Variants in PIP4K2A observed in about 807,000 individuals in gnomAD.
PIP4K2A encodes the protein phosphatidylinositol 5-phosphate 4-kinase type-2 alpha.
A neutral mutation model predicts 42.9 loss-of-function variants in PIP4K2A; 14 were observed. That is an observed-to-expected ratio of 0.33 (90% CI 0.22 to 0.51). The LOEUF (loss-of-function observed/expected upper bound fraction) is 0.51. PIP4K2A is among the 20% of genes least tolerant of loss of function. PIP4K2A has a pLI of 0.97. For synonymous variants in PIP4K2A, 192 were observed against 192.2 expected, an observed-to-expected ratio of 1.00 and a Z score of 0.01; for missense variants, 434 against 519.8, an observed-to-expected ratio of 0.83 and a Z score of 1.61.
intron 1 of PIP4K2A, among the ~76,000 whole-genome samples, chr10:22,626,528 T>C (rs374247130): frequency 5.3e-5 from 8 of 152,370 alleles, no homozygotes; most frequent in African/African-American, 1.9e-4. Context: ...CTTTTGTGCC[T>C]GAAAATGTTT....
At chr10:22,584,180 T>C (rs1837339974) in intron 4 of PIP4K2A, among the ~76,000 whole-genome samples, 1 of 152,112 alleles carries the variant, frequency 6.6e-6, no homozygotes, top group African/African-American at 2.4e-5. Flanking sequence ...AAGTTTTGAA[T>C]AGTTACGTAC....
At chr10:22,580,373 G>T (rs1393072543) in intron 4 of PIP4K2A, among the ~76,000 whole-genome samples, 2 of 151,962 alleles carry the variant, frequency 1.3e-5, no homozygotes, top group Non-Finnish European at 2.9e-5. Context: ...GAAGAGGCTG[G>T]GCATAGTGGC....
At chr10:22,577,966 G>A (rs1233450006) in intron 4 of PIP4K2A, among the ~76,000 whole-genome samples, 5 of 152,200 alleles carry the variant, frequency 3.3e-5, no homozygotes, top group African/African-American at 1.2e-4. Context: ...TTGGTGATAG[G>A]AAGGAATTTA....
intron 1 of PIP4K2A, among the ~76,000 whole-genome samples, chr10:22,643,291 G>A (rs1838816382): frequency 6.6e-6 from 1 of 152,146 alleles, no homozygotes; most frequent in South Asian, 2.1e-4. Flanking sequence ...CGTTTTATTG[G>A]AACAGAGCCA....
chr10:22,589,744 C>T (rs1199509465), intron 4 of PIP4K2A, among the ~76,000 whole-genome samples: 2 of 152,174 alleles, frequency 1.3e-5, no homozygotes, highest in African/African-American at 4.8e-5. Context: ...GTGCTGCCTT[C>T]GAAGCAGATA....
At chr10:22,688,349 T>C (rs1839800763) in intron 1 of PIP4K2A, among the ~76,000 whole-genome samples, 1 of 152,210 alleles carries the variant, frequency 6.6e-6, no homozygotes, top group African/African-American at 2.4e-5. Flanking sequence ...CATTCTCAGG[T>C]GTCTGGCACA....
At chr10:22,713,755 G>A (rs1833957664) in intron 1 of PIP4K2A, among the ~76,000 whole-genome samples, 2 of 151,880 alleles carry the variant, frequency 1.3e-5, no homozygotes, top group African/African-American at 4.8e-5. Context: ...GAAGACGCGG[G>A]CGCCGCGCGG....
intron 4 of PIP4K2A, among the ~76,000 whole-genome samples, chr10:22,587,833 G>A (rs940965735): frequency 2.6e-5 from 4 of 152,214 alleles, no homozygotes. Flanking sequence ...ACTACACACT[G>A]GTGTGGCCTT....
chr10:22,704,210 T>C lies in PIP4K2A; in HGVS notation c.144+9973A>G, dbSNP rs566041112. Among the ~76,000 whole-genome samples, 4 of 152,216 alleles carry C rather than the reference T, an allele frequency of 2.6e-5. No individual in the cohort carries two copies. In the East Asian group the frequency reaches 7.7e-4, roughly 29 times the overall value. On this transcript the variant is annotated intron_variant, in intron 1 of 9. Coordinates refer to ENST00000376573, the MANE Select transcript of PIP4K2A (RefSeq NM_005028.5). ...TAGAAGATGATCCTGGACACAGGCC[T>C]GGGGCATTCCAACATTTCCAGACTG...
Position 22,602,379 on chromosome 10 carries a change from G to A in PIP4K2A, c.339+5548C>T, listed in dbSNP as rs181655024. Among the ~76,000 whole-genome samples, 202 of 142,256 alleles carry A rather than the reference G, an allele frequency of 1.4e-3. 1 individual carries two copies. Among genetic ancestry groups the A allele is most frequent in the African/African-American group, 4.1e-3 (151 of 36,630 alleles). 93.3% of individuals were successfully genotyped at this position (142,256 alleles called of 152,430 possible). A position where few individuals can be genotyped will look rare whatever the true frequency, so the allele number is the denominator to read the frequency against. ...ACTGTACTCCAGCCTGGGCAACAGA[G>A]TGAAACTCTGTCTATAAAAAAAAAA... On this transcript the variant is annotated intron_variant, in intron 3 of 9. Coordinates refer to ENST00000376573, the MANE Select transcript of PIP4K2A (RefSeq NM_005028.5).
chr10:22,686,247 G>C (rs1349167400), intron 1 of PIP4K2A, among the ~76,000 whole-genome samples: 1 of 152,168 alleles, frequency 6.6e-6, no homozygotes, highest in Non-Finnish European at 1.5e-5. Flanking sequence ...CTAGATAGTT[G>C]TTCTTCTCTC....
intron 4 of PIP4K2A, among the ~76,000 whole-genome samples, chr10:22,583,766 A>T (rs1323040409): frequency 6.6e-6 from 1 of 152,256 alleles, no homozygotes; most frequent in East Asian, 1.9e-4. Flanking sequence ...TAAGGAAAGC[A>T]AGTGTAGCCA....
chr10:22,692,339 A>C (rs1427721433), intron 1 of PIP4K2A, among the ~76,000 whole-genome samples: 1 of 152,026 alleles, frequency 6.6e-6, no homozygotes, highest in African/African-American at 2.4e-5. Flanking sequence ...AGCGGCTGTA[A>C]ATACAGATGA....
intron 1 of PIP4K2A, among the ~76,000 whole-genome samples, chr10:22,674,489 G>A (rs1363177293): frequency 6.7e-6 from 1 of 150,040 alleles, no homozygotes; most frequent in Admixed American, 6.6e-5. Context: ...CAGCCATCCA[G>A]TTACACATTC....
At position 22,535,883 on chromosome 10, in the gene PIP4K2A, T is replaced by C; in HGVS notation, c.*1318A>G. On this transcript the variant is annotated 3_prime_UTR_variant, in exon 10 of 10. Coordinates refer to ENST00000376573, the MANE Select transcript of PIP4K2A (RefSeq NM_005028.5). ...CAATCATTAGGTTGATAAATGTACA[T>C]TTGGAGGAAAAAAAAATCCTTTTCC... The C allele has an allele frequency of 8.2e-6, 2 of 244,880 alleles. No individual in the cohort carries two copies. Among genetic ancestry groups the C allele is most frequent in the South Asian group, 8.0e-4 (2 of 2,508 alleles). The allele number at this position is 244,880 out of a possible 1,614,324, so 15.2% of individuals were successfully genotyped here.
chr10:22,563,041 G>A (rs542266132), intron 6 of PIP4K2A, among the ~76,000 whole-genome samples: 1 of 152,300 alleles, frequency 6.6e-6, no homozygotes, highest in South Asian at 2.1e-4. Flanking sequence ...CCCTTTTACT[G>A]TGCATGAATG....
chr10:22,586,801 G>A (rs139996084), intron 4 of PIP4K2A, among the ~76,000 whole-genome samples: 1,678 of 152,266 alleles, frequency 0.011, 20 homozygotes, highest in Non-Finnish European at 0.013. Flanking sequence ...AAAGTGCTGG[G>A]ATTACAGACG....
chr10:22,689,494 T>C (rs916029591), intron 1 of PIP4K2A, among the ~76,000 whole-genome samples: 6 of 152,304 alleles, frequency 3.9e-5, no homozygotes, highest in Middle Eastern at 3.4e-3. Flanking sequence ...ATGGCAACTA[T>C]GTACATAGCA....
chr10:22,553,809 T>C (rs1336314603), intron 6 of PIP4K2A, among the ~76,000 whole-genome samples: 1 of 151,318 alleles, frequency 6.6e-6, no homozygotes, highest in Non-Finnish European at 1.5e-5. Context: ...TTTTTTTTTT[T>C]TTTTACAAAA....
Sources: gnomAD v4.1 joint callset for allele counts (sites outside exome capture counted in the v4.1 genomes callset) on GRCh38, gnomAD v4.1.1 for gene constraint, MANE v1.5 for transcripts, NCBI Gene and HGNC (gene_info 2026-07-23, HGNC 2026-07-21) for gene names.